Variants in NACC2 observed in about 807,000 individuals in gnomAD.
NACC2 encodes nucleus accumbens-associated protein 2.
Under a neutral mutation model 25.1 loss-of-function variants are expected in NACC2, and 8 were observed. The ratio of observed to expected loss-of-function variants is 0.32; its 90% CI spans 0.19 to 0.57. The LOEUF is 0.57. NACC2 is among the 20% of genes least tolerant of loss of function. The pLI is 0.89. For synonymous variants in NACC2, 435 were observed against 294.7 expected (o/e 1.48, Z -4.88); for missense variants, 644 against 650.2 (o/e 0.99, Z 0.10).
At chr9:136,076,576 C>T (rs929936890) in intron 1 of NACC2, among the ~76,000 whole-genome samples, 6 of 152,042 alleles carry the variant, frequency 3.9e-5, no homozygotes, top group South Asian at 4.2e-4. Flanking sequence ...GGTGCAGTTT[C>T]GGTCAGGGAT....
In NACC2 at chr9:136,084,059, C is replaced by T. The variant is rs987517639; in HGVS notation, c.-60+11130G>A. 2.0e-5 allele frequency among the ~76,000 whole-genome samples: 3 copies of T among 152,086 alleles called. No homozygotes were observed. Among genetic ancestry groups the T allele is most frequent in the South Asian group, 2.1e-4 (1 of 4,816 alleles). On this transcript the variant is annotated intron_variant, in intron 1 of 5. Transcript: ENST00000277554. This position sits in a 1 kb window ranked among gnomAD's most constrained non-coding sequence, Gnocchi z 5.1. ...TACAGCCCCACAGCCTGAGGAAGAG[C>T]GGGGAGGTAGGGAAGGTGGTGCTCG...
intron 1 of NACC2, among the ~76,000 whole-genome samples, chr9:136,080,444 C>T (rs370088069): frequency 8.8e-4 from 134 of 152,262 alleles, no homozygotes; most frequent in African/African-American, 2.7e-3. Flanking sequence ...TGGTGGCGCA[C>T]GCCTGCAATC....
chr9:136,048,222 G>C (rs1261316129), intron 2 of NACC2, among the ~76,000 whole-genome samples: 1 of 152,210 alleles, frequency 6.6e-6, no homozygotes, highest in African/African-American at 2.4e-5. Context: ...CCCTGGGTGG[G>C]CCTTGGGAGC....
At chr9:136,093,846 C>T (rs1717451) in intron 1 of NACC2, among the ~76,000 whole-genome samples, 28,403 of 151,556 alleles carry the variant, frequency 0.19, 5,420 homozygotes, top group African/African-American at 0.49. Flanking sequence ...TGCCTGAACC[C>T]TGACCTAACT....
At chr9:136,017,228 G>A (rs1036489533) in intron 2 of NACC2, among the ~76,000 whole-genome samples, 1 of 152,178 alleles carries the variant, frequency 6.6e-6, no homozygotes, top group Non-Finnish European at 1.5e-5. Flanking sequence ...AGGACCTGCA[G>A]CTGTGCAGCG....
chr9:136,018,842 G>A lies in NACC2; in HGVS notation c.887-2413C>T, dbSNP rs577462638. Among the ~76,000 whole-genome samples the A allele has an allele frequency of 2.0e-5, 3 of 152,294 alleles. No individual in the cohort carries two copies. The highest frequency in any genetic ancestry group is 2.9e-5 in the Non-Finnish European group (2 of 68,028). On this transcript the variant is annotated intron_variant, in intron 2 of 5. Transcript: ENST00000277554. The surrounding 1 kb of genome is among the most constrained non-coding windows in gnomAD (Gnocchi z 4.4). ...GGTGCAGCCTGCTGTGATTACACAC[G>A]CGGAGAAGCCGCACGGTGCGTGGCA...
chr9:136,061,538 G>A (rs1460779497), intron 1 of NACC2, among the ~76,000 whole-genome samples: 3 of 152,190 alleles, frequency 2.0e-5, no homozygotes, highest in Non-Finnish European at 4.4e-5. Context: ...GAAGGCGGAT[G>A]GATGGGCCGT....
At chr9:136,045,816 T>C (rs1295392852) in intron 2 of NACC2, among the ~76,000 whole-genome samples, 2 of 152,156 alleles carry the variant, frequency 1.3e-5, no homozygotes, top group Non-Finnish European at 2.9e-5. Context: ...GTCTCGGCTG[T>C]TGCAGGGACC....
Position 136,011,685 on chromosome 9 carries a change from A to C in NACC2, c.1595T>G (p.Val532Gly). The C allele has an allele frequency of 6.8e-7, 1 of 1,461,474 alleles. No individual in the cohort carries two copies. The highest frequency in any genetic ancestry group is 9.0e-7 in the Non-Finnish European group (1 of 1,110,364). The allele number at this position is 1,461,474 out of a possible 1,614,324, so 90.5% of individuals were successfully genotyped here. The change falls in exon 6 of 6, where the codon GTG (valine) becomes GGG (glycine). Residue 532 changes from valine to glycine, a missense_variant. Coordinates refer to ENST00000277554, the MANE Select transcript of NACC2 (RefSeq NM_144653.5). Reference protein sequence around the residue: ...ANPAFDAGEEVDGAGSVIQEV... With the variant: ...ANPAFDAGEEGDGAGSVIQEV... ...CTGGATGACCGAGCCAGCCCCGTCC[A>C]CCTCCTCGCCGGCGTCGAAGGCGGG...
intron 1 of NACC2, among the ~76,000 whole-genome samples, chr9:136,054,862 G>A (rs1167159302): frequency 6.6e-6 from 1 of 152,074 alleles, no homozygotes; most frequent in Non-Finnish European, 1.5e-5. Context: ...TGGCACCAAC[G>A]ACCCTTGCTC....
Position 136,086,031 on chromosome 9 carries a change from T to C in NACC2, c.-60+9158A>G, listed in dbSNP as rs1259366512. Among the ~76,000 whole-genome samples, 1 of 151,284 alleles carries C rather than the reference T, an allele frequency of 6.6e-6. No individual in the cohort carries two copies. The highest frequency in any genetic ancestry group is 2.4e-5 in the African/African-American group (1 of 41,042). The stretch of plus-strand genomic sequence containing the variant: ...CGCAGGGCAGCTCCGATGGGAGGGG[T>C]TGGCAGAGCCCGGAGTCCGGGCGCC... On this transcript the variant is annotated intron_variant, in intron 1 of 5. Coordinates refer to ENST00000277554, the MANE Select transcript of NACC2 (RefSeq NM_144653.5). The surrounding 1 kb of genome is among the most constrained non-coding windows in gnomAD (Gnocchi z 5.6).
Position 136,010,421 on chromosome 9 carries a change from C to T in NACC2, c.*1095G>A, listed in dbSNP as rs922249662. On this transcript the variant is annotated 3_prime_UTR_variant, in exon 6 of 6. Transcript: ENST00000277554. The surrounding 1 kb of genome is among the most constrained non-coding windows in gnomAD (Gnocchi z 4.9). ...CCCGCTCCCCAGGTCCGGCCCTGAG[C>T]TCAGCTTCACACGTACTAGTCGCCC... 2 of 152,480 alleles carry T rather than the reference C, an allele frequency of 1.3e-5. No homozygotes were observed. Among genetic ancestry groups the T allele is most frequent in the African/African-American group, 4.8e-5 (2 of 41,466 alleles). The allele number at this position is 152,480 out of a possible 1,614,324, so 9.4% of individuals were successfully genotyped here.
At position 136,062,114 on chromosome 9, in the gene NACC2, A is replaced by AGACAGGACAGGACAGGACAGGACAG. The variant is rs10597829; in HGVS notation, c.-59-11559_-59-11535dup. Among the ~76,000 whole-genome samples, 72 of 142,558 alleles carry AGACAGGACAGGACAGGACAGGACAG rather than the reference A, an allele frequency of 5.1e-4. 2 individuals are homozygous for AGACAGGACAGGACAGGACAGGACAG. The highest frequency in any genetic ancestry group is 4.8e-3 in the East Asian group (23 of 4,806). 93.5% of individuals were successfully genotyped at this position (142,558 alleles called of 152,430 possible). On this transcript the variant is annotated intron_variant, in intron 1 of 5. Transcript: ENST00000277554. ...GTACTCCAGCCTGGGCAACAGAGCG[A>AGACAGGACAGGACAGGACAGGACAG]GACAGGACAGGACAGGACAGGACAG...
At chr9:136,051,537 C>T (rs1334057944) in intron 1 of NACC2, among the ~76,000 whole-genome samples, 2 of 152,164 alleles carry the variant, frequency 1.3e-5, no homozygotes, top group Non-Finnish European at 2.9e-5. Context: ...GCCCAGAAGG[C>T]GCCAGCCCAA....
chr9:136,054,192 GCGTCTTAACGCCCA>G (rs1397334701), intron 1 of NACC2, among the ~76,000 whole-genome samples: 1 of 152,230 alleles, frequency 6.6e-6, no homozygotes, highest in Non-Finnish European at 1.5e-5. Context: ...ATCCAGGTGG[GCGTCTTAACGCCCA>G]GCCCAGTTCG....
chr9:136,046,936 A>G (rs1008299478), intron 2 of NACC2, among the ~76,000 whole-genome samples: 3 of 152,212 alleles, frequency 2.0e-5, no homozygotes, highest in African/African-American at 7.2e-5. Context: ...CAAACTGTCC[A>G]TGGTTCTTAA....
chr9:136,035,270 A>T (rs1470064395), intron 2 of NACC2, among the ~76,000 whole-genome samples: 1 of 152,140 alleles, frequency 6.6e-6, no homozygotes, highest in Non-Finnish European at 1.5e-5. Context: ...GACCACCTGC[A>T]CCAAACCATC....
chr9:136,094,685 G>A (rs1830469181), intron 1 of NACC2, among the ~76,000 whole-genome samples: 1 of 152,056 alleles, frequency 6.6e-6, no homozygotes, highest in South Asian at 2.1e-4. Flanking sequence ...GACCGGGAGG[G>A]CGAGGCGCGG....
chr9:136,040,277 A>G (rs1840608518), intron 2 of NACC2, among the ~76,000 whole-genome samples: 1 of 151,896 alleles, frequency 6.6e-6, no homozygotes, highest in African/African-American at 2.4e-5. Flanking sequence ...CCCAGGAGGC[A>G]GAGGTTGCAG....
Sources: allele counts gnomAD v4.1 joint callset (sites outside exome capture counted in the v4.1 genomes callset), GRCh38; gene constraint gnomAD v4.1.1; non-coding constraint Gnocchi (gnomAD v3.1); transcripts MANE v1.5; gene names NCBI Gene and HGNC (gene_info 2026-07-23, HGNC 2026-07-21).